The following CELF2 variants were observed in gnomAD, a reference collection of about 807,000 sequenced individuals.
The protein encoded by CELF2 is CUG triplet repeat RNA-binding protein 2.
A neutral mutation model predicts 62.6 loss-of-function variants in CELF2; 8 were observed. The observed-to-expected ratio is 0.13, with a 90% CI of 0.07 to 0.23. The LOEUF (loss-of-function observed/expected upper bound fraction) is 0.23. CELF2 is among the 10% of genes least tolerant of loss of function. The pLI, the probability that CELF2 is intolerant of heterozygous loss-of-function variation, is 1.00. For missense variants in CELF2, 333 were observed against 671.0 expected (o/e 0.50, Z 5.56); for synonymous variants, 258 against 250.0 (o/e 1.03, Z -0.30).
the CELF2 span, among the ~76,000 whole-genome samples, chr10:10,489,948 A>G: frequency 3.3e-5 from 5 of 152,156 alleles, no homozygotes; most frequent in Non-Finnish European, 7.4e-5. Flanking sequence ...GAAGGAACAC[A>G]TATTTGTGTA....
At chr10:10,736,392 C>CTTTT in the CELF2 span, among the ~76,000 whole-genome samples, 1 of 78,002 alleles carries the variant, frequency 1.3e-5, no homozygotes, top group Non-Finnish European at 2.8e-5. Context: ...TTCTTTCTTT[C>CTTTT]TTTCTTTTTT....
At chr10:11,067,616 G>C (rs2068520395) in intron 1 of CELF2, among the ~76,000 whole-genome samples, 1 of 152,146 alleles carries the variant, frequency 6.6e-6, no homozygotes, top group Non-Finnish European at 1.5e-5. Context: ...ATTTAAATTG[G>C]ATCATAGCTC....
At chr10:10,935,371 C>T (rs2066513702) in intron 2 of CELF2, 1 of 152,204 alleles carries the variant, frequency 6.6e-6, no homozygotes, top group Non-Finnish European at 1.5e-5. Context: ...TTCATTTTGT[C>T]ACCTTGCTTC....
the CELF2 span, among the ~76,000 whole-genome samples, chr10:10,711,176 C>G: frequency 6.6e-6 from 1 of 152,116 alleles, no homozygotes; most frequent in Admixed American, 6.6e-5. Context: ...TCACCCCCTC[C>G]CTATAGAGAA....
intron 1 of CELF2, among the ~76,000 whole-genome samples, chr10:10,811,068 C>A (rs1410846635): frequency 6.6e-6 from 1 of 152,152 alleles, no homozygotes; most frequent in Non-Finnish European, 1.5e-5. Context: ...GACATGTGTT[C>A]GGAGCCTTGG....
intron 1 of CELF2, among the ~76,000 whole-genome samples, chr10:10,916,279 T>C (rs2064311159): frequency 6.6e-6 from 1 of 152,238 alleles, no homozygotes; most frequent in Non-Finnish European, 1.5e-5. Context: ...CTAGCTACAT[T>C]ACTGCAGTCA....
At chr10:10,468,406 G>A in the CELF2 span, among the ~76,000 whole-genome samples, 1 of 151,824 alleles carries the variant, frequency 6.6e-6, no homozygotes, top group East Asian at 1.9e-4. Flanking sequence ...CGATCATACT[G>A]GTAAAGCCAT....
intron 2 of CELF2, among the ~76,000 whole-genome samples, chr10:11,172,468 G>A (rs976501485): frequency 5.3e-5 from 8 of 152,328 alleles, no homozygotes; most frequent in Non-Finnish European, 1.0e-4. Context: ...TAGCCATTGT[G>A]CTGATTGAGA....
rs560944824 is a variant in CELF2, at chr10:10,893,882, A to G, written c.54-26082A>G. Among the ~76,000 whole-genome samples the G allele has an allele frequency of 3.3e-5, 5 of 152,332 alleles. No homozygotes were observed. In the East Asian group the frequency reaches 9.6e-4, roughly 29 times the overall value. On this transcript the variant is annotated intron_variant, in intron 1 of 13. Transcript: ENST00000636488. ...TCCCCCCATGATCTAATCACCTCCC[A>G]CTAGGCCCTGCCTCCAACACTGGGG...
the CELF2 span, among the ~76,000 whole-genome samples, chr10:10,694,703 G>A: frequency 4.7e-3 from 720 of 151,672 alleles, 7 homozygotes; most frequent in African/African-American, 0.017. Context: ...CTCCTGTATT[G>A]GGTGCATATA....
chr10:10,658,519 T>C, the CELF2 span, among the ~76,000 whole-genome samples: 1 of 152,188 alleles, frequency 6.6e-6, no homozygotes, highest in African/African-American at 2.4e-5. Flanking sequence ...ATCTGCAGAA[T>C]TTATAAACAA....
chr10:10,561,438 G>A, the CELF2 span, among the ~76,000 whole-genome samples: 1 of 152,186 alleles, frequency 6.6e-6, no homozygotes, highest in Non-Finnish European at 1.5e-5. Context: ...TACTTCAGTT[G>A]CTGAGACAGA....
chr10:10,602,651 G>C, the CELF2 span, among the ~76,000 whole-genome samples: 2 of 152,270 alleles, frequency 1.3e-5, no homozygotes, highest in East Asian at 3.9e-4. Flanking sequence ...TTGGCAGTAA[G>C]TCTCCCACTC....
At chr10:10,503,271 T>C in the CELF2 span, among the ~76,000 whole-genome samples, 4 of 152,038 alleles carry the variant, frequency 2.6e-5, no homozygotes, top group African/African-American at 4.8e-5. Flanking sequence ...TGAGTTCTTG[T>C]GTATCCTTGC....
chr10:10,680,056 T>A, the CELF2 span, among the ~76,000 whole-genome samples: 2 of 152,136 alleles, frequency 1.3e-5, no homozygotes, highest in Non-Finnish European at 2.9e-5. Flanking sequence ...CACCACCAGA[T>A]CAAGAATCAT....
chr10:10,735,758 A>C, the CELF2 span, among the ~76,000 whole-genome samples: 2 of 152,218 alleles, frequency 1.3e-5, no homozygotes. Context: ...AGTGGTCAGC[A>C]TCTTCCTAGG....
chr10:10,561,289 G>T, the CELF2 span, among the ~76,000 whole-genome samples: 1 of 152,052 alleles, frequency 6.6e-6, no homozygotes, highest in Non-Finnish European at 1.5e-5. Flanking sequence ...ACCCAACCCC[G>T]GGAGAAGACT....
chr10:11,194,426 T>A (rs1359381926), intron 2 of CELF2, among the ~76,000 whole-genome samples: 1 of 152,218 alleles, frequency 6.6e-6, no homozygotes, highest in Non-Finnish European at 1.5e-5. Context: ...TCAAAATTTT[T>A]AAATGAAAAC....
chr10:11,082,236 G>T (rs1267491050), intron 1 of CELF2, among the ~76,000 whole-genome samples: 1 of 152,180 alleles, frequency 6.6e-6, no homozygotes, highest in Non-Finnish European at 1.5e-5. Flanking sequence ...AAAAAAAATG[G>T]TATCCTGCTT....
Sources: gnomAD v4.1 joint callset for allele counts (sites outside exome capture counted in the v4.1 genomes callset) on GRCh38, gnomAD v4.1.1 for gene constraint, MANE v1.5 for transcripts, NCBI Gene and HGNC (gene_info 2026-07-23, HGNC 2026-07-21) for gene names.